Variants in RAB21 observed in about 807,000 individuals in gnomAD.
RAB21 encodes the protein ras-related protein Rab-21.
RAB21 carries 13 observed loss-of-function variants against 33.1 expected under a neutral mutation model. The ratio of observed to expected loss-of-function variants is 0.39; its 90% CI spans 0.26 to 0.62. RAB21 has a LOEUF of 0.62. Among genes scored for constraint, RAB21 ranks in the 20% least tolerant of loss-of-function variants. RAB21 has a pLI of 0.48. For missense variants in RAB21, 234 were observed against 279.1 expected (o/e 0.84, Z 1.15); for synonymous variants, 91 against 103.7 (o/e 0.88, Z 0.74).
intron 1 of RAB21, among the ~76,000 whole-genome samples, chr12:71,767,374 A>G (rs528174020): frequency 6.6e-6 from 1 of 152,256 alleles, no homozygotes; most frequent in African/African-American, 2.4e-5. Context: ...AAATCTCCAC[A>G]ACACTCATGA....
intron 6 of RAB21, among the ~76,000 whole-genome samples, 189 bp from the exon 7 acceptor site, chr12:71,785,342 A>G (rs1883268379): frequency 6.6e-6 from 1 of 152,176 alleles, no homozygotes; most frequent in Admixed American, 6.5e-5. Context: ...ACTTGATACT[A>G]GTTTTTGACA....
Position 71,762,286 on chromosome 12 carries a change from G to GGTTTTGTTTT in RAB21, c.159+7024_159+7033dup, listed in dbSNP as rs200338487. On this transcript the variant is annotated intron_variant, in intron 1 of 6. Coordinates refer to ENST00000261263, the MANE Select transcript of RAB21 (RefSeq NM_014999.4). ...TGAAAATATTCAAGCACCTAGCTTAGGTTTTGTTTTGTTTTGTTTTGTTTT... is the reference window on the plus strand; with the variant it reads ...TGAAAATATTCAAGCACCTAGCTTAGGTTTTGTTTTGTTTTGTTTTGTTTTGTTTTGTTTT... Among the ~76,000 whole-genome samples the GGTTTTGTTTT allele has an allele frequency of 4.3e-3, 653 of 151,340 alleles. 3 individuals carry two copies. The highest frequency in any genetic ancestry group is 0.019 in the South Asian group (90 of 4,764).
intron 3 of RAB21, among the ~76,000 whole-genome samples, chr12:71,773,640 T>G (rs541186761): frequency 6.6e-6 from 1 of 152,338 alleles, no homozygotes; most frequent in African/African-American, 2.4e-5. Context: ...TTATCTATAT[T>G]GTTAAAGCAT....
intron 4 of RAB21, 31 bp downstream of exon 4, chr12:71,774,053 AG>A: frequency 6.9e-7 from 1 of 1,450,516 alleles, no homozygotes; most frequent in Non-Finnish European, 9.4e-7. Context: ...CTAAAAAAAA[AG>A]TCCTCTGTTT....
intron 1 of RAB21, among the ~76,000 whole-genome samples, chr12:71,760,586 G>C (rs1328583693): frequency 1.3e-5 from 2 of 152,142 alleles, no homozygotes; most frequent in Non-Finnish European, 2.9e-5. Flanking sequence ...GGAATATAAC[G>C]ATGAGCAAGG....
At chr12:71,760,427 A>C (rs908362196) in intron 1 of RAB21, among the ~76,000 whole-genome samples, 3 of 152,180 alleles carry the variant, frequency 2.0e-5, no homozygotes, top group South Asian at 4.1e-4. Flanking sequence ...GGCTTTGATA[A>C]ACTTGGGAAA....
chr12:71,780,721 AC>A (rs1401389017), intron 4 of RAB21, among the ~76,000 whole-genome samples: 3 of 152,074 alleles, frequency 2.0e-5, no homozygotes, highest in Non-Finnish European at 4.4e-5. Context: ...AGTATATAGA[AC>A]CTTTGGACTT....
intron 1 of RAB21, among the ~76,000 whole-genome samples, chr12:71,758,720 C>A (rs534746690): frequency 4.3e-4 from 66 of 152,128 alleles, no homozygotes; most frequent in African/African-American, 1.5e-3. Flanking sequence ...CTCAAGCAAT[C>A]CTTCTGCTTT....
chr12:71,760,620 C>T (rs1420772609), intron 1 of RAB21, among the ~76,000 whole-genome samples: 1 of 152,148 alleles, frequency 6.6e-6, no homozygotes, highest in Non-Finnish European at 1.5e-5. Context: ...AGTTACTTTT[C>T]TTGACTTTAT....
At position 71,794,576 on chromosome 12, in the gene RAB21, A is replaced by G. The variant is rs953280564; in HGVS notation, c.*8903A>G. 3.5e-5 allele frequency: 5 copies of G among 143,202 alleles called. No individual in the cohort carries two copies. The highest frequency in any genetic ancestry group is 1.0e-4 in the African/African-American group (4 of 39,400). 8.9% of individuals were successfully genotyped at this position (143,202 alleles called of 1,614,324 possible). On this transcript the variant is annotated 3_prime_UTR_variant, in exon 7 of 7. Coordinates refer to ENST00000261263, the MANE Select transcript of RAB21 (RefSeq NM_014999.4). ...CTCAGCCTCCCGAGTAGCTGGGACT[A>G]CAGGCGCCCGCCACCACGCCTGGCT...
At chr12:71,755,765 CA>C (rs1882776551) in intron 1 of RAB21, among the ~76,000 whole-genome samples, 1 of 152,188 alleles carries the variant, frequency 6.6e-6, no homozygotes, top group South Asian at 2.1e-4. Flanking sequence ...ACAGGAATGG[CA>C]AAAGAGCCAT....
chr12:71,772,087 A>T (rs538419971), intron 3 of RAB21, among the ~76,000 whole-genome samples: 1 of 152,138 alleles, frequency 6.6e-6, no homozygotes, highest in South Asian at 2.1e-4. Context: ...ATTTCTCATG[A>T]TTCTGTGGGT....
rs1392866685 is a variant in RAB21, at chr12:71,788,730, G to T, written c.*3057G>T. 6.6e-6 allele frequency: 1 copy of T among 152,110 alleles called. No individual in the cohort carries two copies. Among genetic ancestry groups the T allele is most frequent in the Non-Finnish European group, 1.5e-5 (1 of 67,982 alleles). The allele number at this position is 152,110 out of a possible 1,614,324, so 9.4% of individuals were successfully genotyped here. A position where few individuals can be genotyped will look rare whatever the true frequency, so the allele number is the denominator to read the frequency against. ...CTTATATAATTAAAAATTGGTTTAA[G>T]ATAGTGATTAAAAATACCTGAATAT... On this transcript the variant is annotated 3_prime_UTR_variant, in exon 7 of 7. Coordinates refer to ENST00000261263, the MANE Select transcript of RAB21 (RefSeq NM_014999.4).
intron 1 of RAB21, among the ~76,000 whole-genome samples, chr12:71,763,128 CAATCTT>C (rs1173760666): frequency 2.1e-5 from 3 of 141,720 alleles, no homozygotes; most frequent in Non-Finnish European, 4.7e-5. Flanking sequence ...CACACACACA[CAATCTT>C]ACTATCTTAC....
At chr12:71,777,725 T>G (rs527510835) in intron 4 of RAB21, among the ~76,000 whole-genome samples, 1 of 152,368 alleles carries the variant, frequency 6.6e-6, no homozygotes, top group Admixed American at 6.5e-5. Context: ...CAGCTGTTTT[T>G]TTATGTGGCC....
chr12:71,779,999 A>G (rs1592649274), intron 4 of RAB21, among the ~76,000 whole-genome samples: 1 of 152,218 alleles, frequency 6.6e-6, no homozygotes, highest in Non-Finnish European at 1.5e-5. Flanking sequence ...TGTGCTGTCA[A>G]TCCATTGTGA....
chr12:71,757,371 A>C (rs1405301092), intron 1 of RAB21, among the ~76,000 whole-genome samples: 2 of 152,180 alleles, frequency 1.3e-5, no homozygotes, highest in Admixed American at 6.5e-5. Flanking sequence ...TGGCCTCCCA[A>C]AGTGCTGGGA....
intron 1 of RAB21, among the ~76,000 whole-genome samples, chr12:71,762,137 G>T (rs568803865): frequency 5.0e-4 from 76 of 152,244 alleles, no homozygotes; most frequent in Non-Finnish European, 5.0e-4. Flanking sequence ...ATATCTGACT[G>T]CCATTTTCTG....
Position 71,774,005 on chromosome 12 carries a change from T to C in RAB21, c.374T>C (p.Ile125Thr). Residue 125 changes from isoleucine to threonine, a missense_variant, in exon 4 of 7, where the codon ATC becomes ACC. Physicochemically the swap from Ile to Thr is moderately conservative, Grantham distance 89. Coordinates refer to ENST00000261263, the MANE Select transcript of RAB21 (RefSeq NM_014999.4). Reference sequence around the variant, plus strand: ...TTACGGAAAATGTTGGGAAATGAAATCTGTTTATGTATAGTTGGTAAGCAT... The same window carrying C: ...TTACGGAAAATGTTGGGAAATGAAACCTGTTTATGTATAGTTGGTAAGCAT... ...KELRKMLGNE[I>T]CLCIVGNKID... 6.3e-7 allele frequency: 1 copy of C among 1,593,010 alleles called. No homozygotes were observed. Among genetic ancestry groups the C allele is most frequent in the Non-Finnish European group, 8.6e-7 (1 of 1,169,282 alleles).
Sources: allele counts gnomAD v4.1 joint callset (sites outside exome capture counted in the v4.1 genomes callset), GRCh38; gene constraint gnomAD v4.1.1; transcripts MANE v1.5; gene names NCBI Gene and HGNC (gene_info 2026-07-23, HGNC 2026-07-21).